HAPLN1: variants seen among roughly 807,000 people sequenced by gnomAD.
The protein encoded by HAPLN1 is hyaluronan and proteoglycan link protein 1.
In HAPLN1, 13 loss-of-function variants were observed where a neutral mutation model predicts 36.5. That is an observed-to-expected ratio of 0.36 (90% CI 0.23 to 0.57). The LOEUF (loss-of-function observed/expected upper bound fraction) is 0.57, where lower values mean the gene tolerates loss of function less well. Ranked by LOEUF, HAPLN1 falls within the 20% of genes least tolerant of loss-of-function variation. The pLI is 0.83. For synonymous variants in HAPLN1, 202 were observed against 169.8 expected (o/e 1.19, Z -1.48); for missense variants, 407 against 439.7 (o/e 0.93, Z 0.66).
intron 3 of HAPLN1, among the ~76,000 whole-genome samples, chr5:83,647,917 G>T (rs190126921): frequency 1.7e-4 from 26 of 152,134 alleles, no homozygotes; most frequent in Non-Finnish European, 7.4e-5. Context: ...CTGAAATTGC[G>T]TTTCTATTTC....
intron 1 of HAPLN1, among the ~76,000 whole-genome samples, chr5:83,673,900 A>G (rs1750794024): frequency 6.6e-6 from 1 of 152,260 alleles, no homozygotes; most frequent in Non-Finnish European, 1.5e-5. Flanking sequence ...TGAATTTGCA[A>G]CATAAGTTAA....
In HAPLN1 at chr5:83,686,808, G is replaced by C. The variant is rs145687241; in HGVS notation, c.-26-13259C>G. The stretch of plus-strand genomic sequence containing the variant: ...GACAGTACAGCAGGTGGGGTGCAAA[G>C]TGACAGAAAACAAAAGAAGGTCACT... On this transcript the variant is annotated intron_variant, in intron 1 of 4. Transcript: ENST00000274341. Among the ~76,000 whole-genome samples, 10 of 152,276 alleles carry C rather than the reference G, an allele frequency of 6.6e-5. No individual in the cohort carries two copies. In the East Asian group the frequency reaches 1.9e-3, roughly 29 times the overall value.
chr5:83,676,978 A>G (rs781017383), intron 1 of HAPLN1, among the ~76,000 whole-genome samples: 1 of 152,192 alleles, frequency 6.6e-6, no homozygotes, highest in East Asian at 1.9e-4. Flanking sequence ...TACCTTATCC[A>G]ATGTGAAAGA....
intron 1 of HAPLN1, among the ~76,000 whole-genome samples, chr5:83,697,078 C>T (rs1158188329): frequency 6.6e-6 from 1 of 152,100 alleles, no homozygotes; most frequent in Non-Finnish European, 1.5e-5. Context: ...TCCTGGCAAA[C>T]ACTAATCTAC....
intron 1 of HAPLN1, among the ~76,000 whole-genome samples, chr5:83,700,334 T>C (rs1210356507): frequency 6.6e-6 from 1 of 152,168 alleles, no homozygotes; most frequent in Non-Finnish European, 1.5e-5. Flanking sequence ...CAATGTGTCA[T>C]GCCTGAAGGA....
intron 3 of HAPLN1, among the ~76,000 whole-genome samples, chr5:83,646,615 G>A (rs1196216188): frequency 1.3e-5 from 2 of 152,194 alleles, no homozygotes; most frequent in African/African-American, 4.8e-5. Flanking sequence ...GCCTTCTCAG[G>A]TTCTTGGCTG....
At chr5:83,666,743 A>G (rs1198236077) in intron 2 of HAPLN1, among the ~76,000 whole-genome samples, 1 of 152,058 alleles carries the variant, frequency 6.6e-6, no homozygotes, top group Admixed American at 6.6e-5. Context: ...CTACATTTCC[A>G]CCTTTATTTA....
intron 2 of HAPLN1, among the ~76,000 whole-genome samples, chr5:83,656,554 G>A (rs28650081): frequency 0.022 from 3,344 of 152,080 alleles, 151 homozygotes; most frequent in African/African-American, 0.075. Context: ...GTGTTGAAGA[G>A]CTTAATTTTG....
chr5:83,712,883 A>C (rs115041394), intron 1 of HAPLN1, among the ~76,000 whole-genome samples: 439 of 122,812 alleles, frequency 3.6e-3, no homozygotes, highest in African/African-American at 0.012. Flanking sequence ...GAGAACCTGG[A>C]CAAAAAAAAA....
chr5:83,710,347 C>A (rs954946314), intron 1 of HAPLN1, among the ~76,000 whole-genome samples: 1 of 151,972 alleles, frequency 6.6e-6, no homozygotes, highest in Non-Finnish European at 1.5e-5. Context: ...AGAATGACGC[C>A]ACAAAGCCCA....
intron 1 of HAPLN1, among the ~76,000 whole-genome samples, chr5:83,693,848 T>C (rs553933278): frequency 2.9e-4 from 44 of 151,950 alleles, no homozygotes; most frequent in Non-Finnish European, 4.9e-4. Flanking sequence ...TGATATAGAA[T>C]TGTAAAATAT....
chr5:83,714,624 C>T (rs970361927), intron 1 of HAPLN1, among the ~76,000 whole-genome samples: 74 of 152,092 alleles, frequency 4.9e-4, no homozygotes, highest in African/African-American at 1.8e-3. Context: ...TGGCTTTGAC[C>T]CGTATTTTCA....
At chr5:83,648,545 G>C (rs938590147) in intron 3 of HAPLN1, among the ~76,000 whole-genome samples, 1 of 150,086 alleles carries the variant, frequency 6.7e-6, no homozygotes, top group Non-Finnish European at 1.5e-5. Context: ...TATAATTTAG[G>C]CTACATGAAG....
intron 4 of HAPLN1, among the ~76,000 whole-genome samples, chr5:83,643,353 TAAAA>T (rs79459806): frequency 0.16 from 17,930 of 111,692 alleles, 1,610 homozygotes; most frequent in Non-Finnish European, 0.21. Context: ...TACCCTGTCT[TAAAA>T]AAAAAAAAAA....
chr5:83,667,182 A>G (rs185502241), intron 2 of HAPLN1, among the ~76,000 whole-genome samples: 41 of 152,278 alleles, frequency 2.7e-4, no homozygotes, highest in Non-Finnish European at 5.4e-4. Flanking sequence ...ATATATGAGC[A>G]TTTTTACATA....
At chr5:83,674,971 A>G (rs1206830658) in intron 1 of HAPLN1, among the ~76,000 whole-genome samples, 1 of 152,224 alleles carries the variant, frequency 6.6e-6, no homozygotes, top group Non-Finnish European at 1.5e-5. Flanking sequence ...GATGGTAGAT[A>G]AGCAAACAAA....
chr5:83,680,641 G>T (rs12656415), intron 1 of HAPLN1, among the ~76,000 whole-genome samples: 42,821 of 151,916 alleles, frequency 0.28, 6,618 homozygotes, highest in East Asian at 0.41. Context: ...GACATTAAAA[G>T]GAAATAAACG....
intron 3 of HAPLN1, 74 bp from the exon 4 acceptor site, chr5:83,644,739 G>A: frequency 8.8e-7 from 1 of 1,132,770 alleles, no homozygotes; most frequent in Admixed American, 3.5e-5. Flanking sequence ...CACCTAGTTG[G>A]TGAAAAACCT....
intron 1 of HAPLN1, among the ~76,000 whole-genome samples, chr5:83,712,913 G>A (rs2112640238): frequency 6.7e-6 from 1 of 148,538 alleles, no homozygotes; most frequent in South Asian, 2.1e-4. Flanking sequence ...TTGCTGAGAA[G>A]TCCAGAGAAA....
Sources: gnomAD v4.1 joint callset for allele counts (sites outside exome capture counted in the v4.1 genomes callset) on GRCh38, gnomAD v4.1.1 for gene constraint, MANE v1.5 for transcripts, NCBI Gene and HGNC (gene_info 2026-07-23, HGNC 2026-07-21) for gene names.